The following BLK variants were observed in gnomAD, a reference collection of about 807,000 sequenced individuals.
BLK encodes the protein tyrosine-protein kinase Blk.
Under a neutral mutation model 61.8 loss-of-function variants are expected in BLK, and 64 were observed. That is an observed-to-expected ratio of 1.03 (90% CI 0.85 to 1.27). BLK has a LOEUF of 1.27. Ranked by LOEUF, BLK falls within the 50% of genes most tolerant of loss-of-function variation. The probability of loss-of-function intolerance (pLI) is 0.00; values close to 1 mark genes in which losing one functional copy is unlikely to be tolerated. For missense variants in BLK, 853 were observed against 660.5 expected, an observed-to-expected ratio of 1.29 and a Z score of -3.19; for synonymous variants, 351 against 272.0, an observed-to-expected ratio of 1.29 and a Z score of -2.86.
chr8:11,562,595 C>A (rs35401006), intron 11 of BLK, among the ~76,000 whole-genome samples: 1 of 152,006 alleles, frequency 6.6e-6, no homozygotes, highest in African/African-American at 2.4e-5. Context: ...CGGAGGCGCC[C>A]GCAGGTTTAA....
intron 1 of BLK, among the ~76,000 whole-genome samples, chr8:11,535,261 G>GAAGAAAGAAAGA (rs5889374): frequency 0.066 from 7,327 of 110,404 alleles, 348 homozygotes; most frequent in Middle Eastern, 0.089. Context: ...AAGAAAGAAA[G>GAAGAAAGAAAGA]AAGAAAGAAA....
Position 11,554,769 on chromosome 8 carries a change from G to A in BLK, c.499G>A (p.Val167Ile). Reference protein sequence around the residue: ...KGAFSLSVKDVTTQGELIKHY... With the variant: ...KGAFSLSVKDITTQGELIKHY... ...TGCCTTCTCCCTGTCTGTGAAGGAT[G>A]TCACCACCCAGGGGGAGCTGATCAA... Residue 167 changes from valine (V) to isoleucine (I), a missense_variant, in exon 7 of 13, where the codon GTC becomes ATC. Physicochemically the swap from Val to Ile is conservative, Grantham distance 29 (BLOSUM62 3). Coordinates refer to ENST00000259089, the MANE Select transcript of BLK (RefSeq NM_001715.3). 6.2e-7 allele frequency: 1 copy of A among 1,613,954 alleles called. No individual in the cohort carries two copies.
At chr8:11,522,796 G>C (rs1199621859) in intron 1 of BLK, among the ~76,000 whole-genome samples, 1 of 151,434 alleles carries the variant, frequency 6.6e-6, no homozygotes, top group East Asian at 1.9e-4. Context: ...ATTTTTAAAA[G>C]TCTAAAACAT....
At chr8:11,558,085 C>T in intron 10 of BLK, 47 bp downstream of exon 10, 1 of 1,588,120 alleles carries the variant, frequency 6.3e-7, no homozygotes, top group Non-Finnish European at 8.6e-7. Context: ...GTGCCACCTG[C>T]TGCCCACAAT....
chr8:11,558,744 G>A (rs1009717148), intron 10 of BLK: 4 of 456,096 alleles, frequency 8.8e-6, no homozygotes, highest in African/African-American at 2.0e-5. Flanking sequence ...CACATCTGGT[G>A]GCCCTGTTAA....
intron 10 of BLK, chr8:11,559,086 C>T (rs558125239): frequency 2.0e-4 from 87 of 442,006 alleles, no homozygotes; most frequent in African/African-American, 1.7e-3. Context: ...TTCTCTCACC[C>T]TCCGCTGTCT....
chr8:11,527,602 G>T (rs957622369), intron 1 of BLK, among the ~76,000 whole-genome samples: 4 of 151,892 alleles, frequency 2.6e-5, no homozygotes, highest in African/African-American at 9.7e-5. Flanking sequence ...CAATTTGGTG[G>T]GCAGGGTAAT....
chr8:11,541,892 A>G (rs1800395186), intron 1 of BLK, among the ~76,000 whole-genome samples: 1 of 152,236 alleles, frequency 6.6e-6, no homozygotes, highest in South Asian at 2.1e-4. Context: ...ACTTAGTGGT[A>G]AAGCTGATCT....
rs1281498588 is a variant in BLK at position 11,553,449 on chromosome 8, CAG to C, written c.473-1292_473-1291del. 3 of 419,334 alleles carry C rather than the reference CAG, an allele frequency of 7.2e-6. No homozygotes were observed. In the Admixed American group the frequency reaches 7.9e-5, roughly 11 times the overall value. 26.0% of individuals were successfully genotyped at this position (419,334 alleles called of 1,614,324 possible). A position where few individuals can be genotyped will look rare whatever the true frequency, so the allele number is the denominator to read the frequency against. On this transcript the variant is annotated intron_variant, in intron 6 of 12. Coordinates refer to ENST00000259089, the MANE Select transcript of BLK (RefSeq NM_001715.3). ...GTCTTTACAAAGGACACCAAATTGT[CAG>C]AAGCCATCAGGGACGGGGCCTCAGA...
intron 1 of BLK, among the ~76,000 whole-genome samples, chr8:11,522,033 G>C (rs549396186): frequency 6.6e-6 from 1 of 152,126 alleles, no homozygotes; most frequent in Admixed American, 6.5e-5. Flanking sequence ...TCTTAATGAT[G>C]AGTCCTCCTA....
chr8:11,523,353 A>G (rs986143285), intron 1 of BLK, among the ~76,000 whole-genome samples: 1 of 152,158 alleles, frequency 6.6e-6, no homozygotes, highest in African/African-American at 2.4e-5. Flanking sequence ...CAGGTGTTTG[A>G]GTACAGCATG....
intron 6 of BLK, chr8:11,554,276 T>C (rs1801072942): frequency 4.4e-6 from 1 of 224,864 alleles, no homozygotes; most frequent in Admixed American, 5.2e-5. Context: ...GCATAGCTTA[T>C]TACGGTGTCC....
intron 1 of BLK, among the ~76,000 whole-genome samples, chr8:11,502,996 C>T (rs1019719455): frequency 6.6e-6 from 1 of 152,234 alleles, no homozygotes; most frequent in Non-Finnish European, 1.5e-5. Flanking sequence ...CTGTTTTCCA[C>T]AACCATGGGA....
chr8:11,500,429 C>G (rs540727725), intron 1 of BLK, among the ~76,000 whole-genome samples: 1 of 152,114 alleles, frequency 6.6e-6, no homozygotes, highest in Non-Finnish European at 1.5e-5. Context: ...CTCTGGACCT[C>G]AAGTGATCTG....
At chr8:11,507,831 A>G (rs996091849) in intron 1 of BLK, among the ~76,000 whole-genome samples, 2 of 152,124 alleles carry the variant, frequency 1.3e-5, no homozygotes, top group African/African-American at 4.8e-5. Flanking sequence ...ATGGCAAGCT[A>G]GTTTTCTCCC....
intron 1 of BLK, among the ~76,000 whole-genome samples, chr8:11,512,666 GTTT>G (rs1799063653): frequency 6.6e-6 from 1 of 151,978 alleles, no homozygotes; most frequent in Non-Finnish European, 1.5e-5. Context: ...TTGTTTGTTT[GTTT>G]GTTTGTTTGT....
intron 8 of BLK, 65 bp downstream of exon 8, chr8:11,555,549 G>C: frequency 6.2e-7 from 1 of 1,609,154 alleles, no homozygotes; most frequent in Non-Finnish European, 8.5e-7. Flanking sequence ...CCTGAGTCCA[G>C]GTTCAGCATT....
At chr8:11,500,673 G>A (rs752570928) in intron 1 of BLK, among the ~76,000 whole-genome samples, 7 of 151,584 alleles carry the variant, frequency 4.6e-5, no homozygotes, top group African/African-American at 9.7e-5. Context: ...GCACCACCAC[G>A]CCTGGCTAAT....
At chr8:11,498,149 T>C (rs190017158) in intron 1 of BLK, among the ~76,000 whole-genome samples, 2 of 152,318 alleles carry the variant, frequency 1.3e-5, no homozygotes. Flanking sequence ...GCACCTAGGA[T>C]GCTGAACCTG....
Sources: gnomAD v4.1 joint callset for allele counts (sites outside exome capture counted in the v4.1 genomes callset) on GRCh38, gnomAD v4.1.1 for gene constraint, MANE v1.5 for transcripts, NCBI Gene and HGNC (gene_info 2026-07-23, HGNC 2026-07-21) for gene names.